Variants in COL5A1 observed in about 807,000 individuals in gnomAD.
The protein encoded by COL5A1 is collagen type V alpha 1 chain.
COL5A1 carries 16 observed loss-of-function variants against 263.7 expected under a neutral mutation model. The observed-to-expected ratio is 0.06, with a 90% confidence interval of 0.04 to 0.09. The LOEUF is 0.09. Ranked by LOEUF, COL5A1 falls within the 10% of genes least tolerant of loss-of-function variation. The pLI is 1.00. For synonymous variants in COL5A1, 1,012 were observed against 1,004.5 expected (o/e 1.01, Z -0.14); for missense variants, 2,036 against 2,540.5 (o/e 0.80, Z 4.27).
chr9:134,796,844 C>T lies in COL5A1; in HGVS notation c.2845-4C>T. 6.2e-7 allele frequency: 1 copy of T among 1,614,120 alleles called. No individual in the cohort carries two copies. Among genetic ancestry groups the T allele is most frequent in the Non-Finnish European group, 8.5e-7 (1 of 1,179,946 alleles). On this transcript the variant is annotated splice_region_variant and splice_polypyrimidine_tract_variant and intron_variant, in intron 35 of 65. Coordinates refer to ENST00000371817, the MANE Select transcript of COL5A1 (RefSeq NM_000093.5). Reference sequence around the variant, plus strand: ...TCCTCAAACTGGCCTTTCTCTGTTCCCAGGGACCCAATGGACCCCAAGGAC... The same window carrying T: ...TCCTCAAACTGGCCTTTCTCTGTTCTCAGGGACCCAATGGACCCCAAGGAC...
At chr9:134,837,629 G>A (rs1190218677) in intron 65 of COL5A1, among the ~76,000 whole-genome samples, 1 of 151,646 alleles carries the variant, frequency 6.6e-6, no homozygotes, top group African/African-American at 2.4e-5. Context: ...GGTCAAGCTG[G>A]GATCATTTAA....
chr9:134,809,422 C>G (rs1225716593), intron 43 of COL5A1, 132 bp downstream of exon 43: 3 of 741,298 alleles, frequency 4.0e-6, no homozygotes, highest in Non-Finnish European at 7.2e-6. Flanking sequence ...CACACCCACC[C>G]CGCAGTCCTG....
intron 4 of COL5A1, among the ~76,000 whole-genome samples, chr9:134,707,861 C>T (rs1049866373): frequency 2.6e-5 from 4 of 152,188 alleles, no homozygotes; most frequent in African/African-American, 4.8e-5. Flanking sequence ...GGGAGGGAAG[C>T]GCAACCGTGA....
chr9:134,799,418 C>T (rs954701281), intron 37 of COL5A1, among the ~76,000 whole-genome samples: 3 of 152,198 alleles, frequency 2.0e-5, no homozygotes, highest in East Asian at 1.9e-4. Context: ...GTTCCTTCTC[C>T]GAGTGCCCAC....
At chr9:134,823,532 G>A (rs1357238956) in intron 61 of COL5A1, 63 bp downstream of exon 61, 1 of 1,550,420 alleles carries the variant, frequency 6.4e-7, no homozygotes, top group African/African-American at 1.4e-5. Flanking sequence ...AGGGAATTGA[G>A]AAAGCAACTG....
At chr9:134,769,644 T>A (rs983042897) in intron 25 of COL5A1, among the ~76,000 whole-genome samples, 2 of 152,198 alleles carry the variant, frequency 1.3e-5, no homozygotes, top group Non-Finnish European at 2.9e-5. Context: ...CCATGGAGTA[T>A]GGGCCGCAAT....
intron 18 of COL5A1, among the ~76,000 whole-genome samples, chr9:134,760,665 CACACATG>C (rs1836364458): frequency 8.5e-6 from 1 of 117,852 alleles, no homozygotes; most frequent in African/African-American, 3.8e-5. Flanking sequence ...ACACACACAC[CACACATG>C]CACACCCCCC....
intron 1 of COL5A1, among the ~76,000 whole-genome samples, chr9:134,676,821 C>T (rs1224975294): frequency 6.7e-6 from 1 of 149,222 alleles, no homozygotes; most frequent in East Asian, 1.9e-4. Context: ...TTGGTTTGAT[C>T]ATCTGTTGAT....
intron 1 of COL5A1, among the ~76,000 whole-genome samples, chr9:134,659,220 C>T (rs1318175039): frequency 3.3e-5 from 5 of 152,178 alleles, no homozygotes. Flanking sequence ...AACCCTGTCT[C>T]TACTAAAAAT....
rs558883882 is a variant in COL5A1 at position 134,700,391 on chromosome 9, C to T, written c.491+269C>T. ...AAAGTGCACTAAAGCACATCAAATT[C>T]CCGCCTGTTTGTGTCAGAAGGGACA... On this transcript the variant is annotated intron_variant, in intron 3 of 65. Transcript: ENST00000371817. This position sits in a 1 kb window ranked among gnomAD's most constrained non-coding sequence, Gnocchi z 4.0. Among the ~76,000 whole-genome samples the T allele has an allele frequency of 6.6e-6, 1 of 152,306 alleles. No homozygotes were observed. Among genetic ancestry groups the T allele is most frequent in the Admixed American group, 6.5e-5 (1 of 15,300 alleles).
intron 18 of COL5A1, among the ~76,000 whole-genome samples, chr9:134,760,377 CAT>C (rs1836319353): frequency 1.2e-5 from 1 of 84,682 alleles, no homozygotes; most frequent in East Asian, 4.8e-4. Context: ...ACACACCACA[CAT>C]GCATACACAC....
At chr9:134,838,264 G>A (rs1271502251) in intron 65 of COL5A1, among the ~76,000 whole-genome samples, 3 of 152,208 alleles carry the variant, frequency 2.0e-5, no homozygotes, top group East Asian at 1.9e-4. Flanking sequence ...ACCGAGTGAC[G>A]GCAACCCAGA....
intron 27 of COL5A1, among the ~76,000 whole-genome samples, chr9:134,775,725 A>T (rs1837030333): frequency 6.6e-6 from 1 of 152,196 alleles, no homozygotes; most frequent in African/African-American, 2.4e-5. Flanking sequence ...TTCCTTCAAG[A>T]TGCTTTTAAC....
At chr9:134,703,256 G>A (rs1247941291) in intron 4 of COL5A1, among the ~76,000 whole-genome samples, 2 of 152,170 alleles carry the variant, frequency 1.3e-5, no homozygotes, top group African/African-American at 4.8e-5. Context: ...CACACCCTCC[G>A]GGCACACTTC....
intron 36 of COL5A1, 45 bp downstream of exon 36, chr9:134,796,946 C>A: frequency 3.7e-6 from 1 of 271,206 alleles, no homozygotes; most frequent in Non-Finnish European, 4.7e-6. Context: ...CTGTCCCCTC[C>A]AAAACCCACC....
At chr9:134,783,859 C>G (rs1380148921) in intron 29 of COL5A1, among the ~76,000 whole-genome samples, 2 of 152,254 alleles carry the variant, frequency 1.3e-5, no homozygotes, top group Non-Finnish European at 2.9e-5. Context: ...CCTGAATCCC[C>G]ACATCCCAGC....
chr9:134,749,066 G>A (rs138564492), intron 11 of COL5A1, among the ~76,000 whole-genome samples: 122 of 152,294 alleles, frequency 8.0e-4, no homozygotes, highest in African/African-American at 2.7e-3. Flanking sequence ...GTGAAACCCC[G>A]TCTCTACTAA....
At chr9:134,715,796 A>G (rs1057434417) in intron 4 of COL5A1, among the ~76,000 whole-genome samples, 2 of 152,256 alleles carry the variant, frequency 1.3e-5, no homozygotes, top group African/African-American at 2.4e-5. Flanking sequence ...ATCTCAAGTC[A>G]GAAGAATTTT....
intron 42 of COL5A1, among the ~76,000 whole-genome samples, chr9:134,808,659 T>C (rs1480707958): frequency 6.6e-6 from 1 of 152,208 alleles, no homozygotes; most frequent in Non-Finnish European, 1.5e-5. Context: ...CCTGTGTACA[T>C]AGGCGTGTTC....
Sources: allele counts gnomAD v4.1 joint callset (sites outside exome capture counted in the v4.1 genomes callset), GRCh38; gene constraint gnomAD v4.1.1; non-coding constraint Gnocchi (gnomAD v3.1); transcripts MANE v1.5; gene names NCBI Gene and HGNC (gene_info 2026-07-23, HGNC 2026-07-21).